Variants in MACROD2 observed in about 807,000 individuals in gnomAD.
MACROD2 encodes the protein ADP-ribose glycohydrolase MACROD2.
MACROD2 carries 36 observed loss-of-function variants against 70.4 expected under a neutral mutation model. The ratio of observed to expected loss-of-function variants is 0.51; its 90% CI spans 0.39 to 0.68. The LOEUF is 0.68. Among genes scored for constraint, MACROD2 ranks in the 30% least tolerant of loss-of-function variants. The pLI is 0.00. For missense variants in MACROD2, 496 were observed against 538.4 expected, an observed-to-expected ratio of 0.92 and a Z score of 0.78; for synonymous variants, 172 against 178.8, an observed-to-expected ratio of 0.96 and a Z score of 0.30.
chr20:15,288,074 A>T (rs1026005765), intron 6 of MACROD2, among the ~76,000 whole-genome samples: 7 of 152,180 alleles, frequency 4.6e-5, no homozygotes, highest in African/African-American at 1.7e-4. Context: ...TTATTTTGTT[A>T]ATTTTGATAT....
chr20:14,701,635 G>A (rs999375825), intron 5 of MACROD2, among the ~76,000 whole-genome samples: 6 of 152,112 alleles, frequency 3.9e-5, no homozygotes, highest in South Asian at 2.1e-4. Flanking sequence ...AGATTTTTAC[G>A]TTATAAACCA....
intron 2 of MACROD2, among the ~76,000 whole-genome samples, chr20:14,018,369 TG>T (rs2148622116): frequency 6.6e-6 from 1 of 152,272 alleles, no homozygotes. Flanking sequence ...GTTACGCTGT[TG>T]AAATGAGATC....
chr20:14,639,267 A>AAT (rs1568714135), intron 4 of MACROD2, among the ~76,000 whole-genome samples: 1 of 152,034 alleles, frequency 6.6e-6, no homozygotes, highest in Non-Finnish European at 1.5e-5. Context: ...AATTTTTTTT[A>AAT]ATATATAGAG....
chr20:14,254,363 A>G (rs1272692170), intron 3 of MACROD2, among the ~76,000 whole-genome samples: 4 of 152,070 alleles, frequency 2.6e-5, no homozygotes, highest in Non-Finnish European at 4.4e-5. Flanking sequence ...CATGATTAGC[A>G]CTGAAGTGTC....
chr20:14,742,473 T>G (rs1457917401), intron 5 of MACROD2, among the ~76,000 whole-genome samples: 1 of 152,106 alleles, frequency 6.6e-6, no homozygotes, highest in Non-Finnish European at 1.5e-5. Context: ...GGTTTGATTA[T>G]TATTAGTTTT....
intron 6 of MACROD2, among the ~76,000 whole-genome samples, chr20:15,366,374 T>A (rs1440247840): frequency 1.3e-5 from 2 of 152,224 alleles, no homozygotes; most frequent in African/African-American, 2.4e-5. Flanking sequence ...AGAATTAACA[T>A]TTTGATAGAG....
chr20:15,560,822 T>A (rs1395949504), intron 8 of MACROD2, among the ~76,000 whole-genome samples: 1 of 147,582 alleles, frequency 6.8e-6, no homozygotes. Context: ...TATAGGTCAA[T>A]TTTTTTTTCC....
intron 10 of MACROD2, among the ~76,000 whole-genome samples, chr20:15,886,514 G>A (rs538603624): frequency 8.1e-4 from 123 of 152,264 alleles, no homozygotes; most frequent in Middle Eastern, 3.4e-3. Flanking sequence ...TCTATAGAGC[G>A]TGTAAGACCT....
At chr20:15,600,099 T>C (rs1424863731) in intron 8 of MACROD2, among the ~76,000 whole-genome samples, 2 of 152,128 alleles carry the variant, frequency 1.3e-5, no homozygotes, top group Non-Finnish European at 2.9e-5. Context: ...GTGCAAGTGG[T>C]TAATAGCCAC....
intron 8 of MACROD2, among the ~76,000 whole-genome samples, chr20:15,691,462 T>C (rs2050298330): frequency 6.6e-6 from 1 of 152,214 alleles, no homozygotes; most frequent in African/African-American, 2.4e-5. Flanking sequence ...AGCGCTGCCC[T>C]TCTGGGACCT....
intron 3 of MACROD2, among the ~76,000 whole-genome samples, chr20:14,220,542 C>A (rs2081662795): frequency 6.6e-6 from 1 of 152,196 alleles, no homozygotes; most frequent in Non-Finnish European, 1.5e-5. Flanking sequence ...CCAGTTCTGG[C>A]CAGGAGGCTT....
chr20:14,378,484 C>A (rs2083393243), intron 3 of MACROD2, among the ~76,000 whole-genome samples: 1 of 152,192 alleles, frequency 6.6e-6, no homozygotes, highest in African/African-American at 2.4e-5. Context: ...GCCACCCCAG[C>A]TCAGAGGCCT....
chr20:15,632,522 A>G (rs2049306159), intron 8 of MACROD2, among the ~76,000 whole-genome samples: 1 of 152,228 alleles, frequency 6.6e-6, no homozygotes, highest in Non-Finnish European at 1.5e-5. Context: ...AGTGCAAAGT[A>G]CAGAAAAAGA....
chr20:15,565,874 G>A (rs1315193830), intron 8 of MACROD2, among the ~76,000 whole-genome samples: 1 of 152,062 alleles, frequency 6.6e-6, no homozygotes, highest in African/African-American at 2.4e-5. Context: ...TGCTGTAAGG[G>A]GAAAACCTGG....
At chr20:13,996,981 C>T (rs1420807069) in intron 1 of MACROD2, among the ~76,000 whole-genome samples, 1 of 151,736 alleles carries the variant, frequency 6.6e-6, no homozygotes, top group African/African-American at 2.4e-5. Flanking sequence ...TTTATGAACA[C>T]GAAGGCAAAA....
intron 4 of MACROD2, among the ~76,000 whole-genome samples, chr20:14,556,797 G>A (rs1335648425): frequency 6.6e-6 from 1 of 152,130 alleles, no homozygotes; most frequent in Non-Finnish European, 1.5e-5. Context: ...AAGAGAAACA[G>A]AGGAAACAAA....
intron 3 of MACROD2, among the ~76,000 whole-genome samples, chr20:14,438,138 G>T (rs554430290): frequency 1.5e-4 from 23 of 151,806 alleles, no homozygotes; most frequent in Non-Finnish European, 3.1e-4. Flanking sequence ...TTTTTTAATA[G>T]ATTCCACATA....
intron 5 of MACROD2, among the ~76,000 whole-genome samples, chr20:15,030,099 A>C (rs1568539865): frequency 6.6e-6 from 1 of 150,810 alleles, no homozygotes; most frequent in African/African-American, 2.4e-5. Flanking sequence ...AAAAAAAAAA[A>C]CCTGTTCATA....
intron 2 of MACROD2, chr20:14,051,959 G>A (rs761751535): frequency 3.9e-6 from 2 of 515,528 alleles, no homozygotes; most frequent in Non-Finnish European, 7.8e-6. Context: ...GTGGAGGATG[G>A]CATGGGAAAG....
Sources: allele counts gnomAD v4.1 joint callset (sites outside exome capture counted in the v4.1 genomes callset), GRCh38; gene constraint gnomAD v4.1.1; transcripts MANE v1.5; gene names NCBI Gene and HGNC (gene_info 2026-07-23, HGNC 2026-07-21).